PMEPA1: variants seen among roughly 807,000 people sequenced by gnomAD.
PMEPA1 encodes the protein prostate transmembrane protein, androgen induced 1.
In PMEPA1, 11 loss-of-function variants were observed where a neutral mutation model predicts 23.0. That is an observed-to-expected ratio of 0.48 (90% confidence interval 0.30 to 0.79). The LOEUF is 0.79. Among genes scored for constraint, PMEPA1 ranks in the 30% least tolerant of loss-of-function variants. The pLI is 0.06. For synonymous variants in PMEPA1, 204 were observed against 166.4 expected (o/e 1.23, Z -1.74); for missense variants, 377 against 390.9 (o/e 0.96, Z 0.30).
chr20:57,710,293 C>T, upstream of PMEPA1: 1 of 721,756 alleles, frequency 1.4e-6, no homozygotes, highest in Non-Finnish European at 2.1e-6. Flanking sequence ...GAACTCGGTG[C>T]CAGCCGCACC....
chr20:57,686,042 C>G (rs2071796793), intron 1 of PMEPA1, among the ~76,000 whole-genome samples: 1 of 152,254 alleles, frequency 6.6e-6, no homozygotes, highest in African/African-American at 2.4e-5. Flanking sequence ...GGGTGACACC[C>G]AAACACCCTC....
In PMEPA1 at chr20:57,682,877, C is replaced by G. The variant is rs1235087339; in HGVS notation, c.110-23180G>C. ...CGAATTATGAAAATAGATGTTGTCT[C>G]CCCACCACATCTGTTTTGCCTGACA... is the stretch of plus-strand genomic sequence containing the variant. On this transcript the variant is annotated intron_variant, in intron 1 of 3. Coordinates refer to ENST00000341744, the MANE Select transcript of PMEPA1 (RefSeq NM_020182.5). The surrounding 1 kb of genome is among the most constrained non-coding windows in gnomAD (Gnocchi z 4.4). Among the ~76,000 whole-genome samples the G allele has an allele frequency of 6.6e-6, 1 of 152,242 alleles. No homozygotes were observed. The highest frequency in any genetic ancestry group is 1.5e-5 in the Non-Finnish European group (1 of 68,050).
At chr20:57,684,211 C>T (rs57643585) in intron 1 of PMEPA1, among the ~76,000 whole-genome samples, 3,609 of 150,460 alleles carry the variant, frequency 0.024, 139 homozygotes, top group African/African-American at 0.084. Flanking sequence ...GGAGGGGAGG[C>T]GGGTGGAAAT....
At chr20:57,710,029 G>T (rs866366472), upstream of PMEPA1, 47 of 996,830 alleles carry the variant, frequency 4.7e-5, no homozygotes, top group African/African-American at 1.2e-4. Context: ...AGCGCTAGAC[G>T]GGGCTGCCGG....
intron 1 of PMEPA1, among the ~76,000 whole-genome samples, chr20:57,671,378 C>T (rs1386941566): frequency 6.6e-6 from 1 of 152,034 alleles, no homozygotes; most frequent in East Asian, 1.9e-4. Flanking sequence ...TGAGTGAGTC[C>T]GTGGTGGTGT....
At chr20:57,676,615 G>A (rs1021968327) in intron 1 of PMEPA1, among the ~76,000 whole-genome samples, 2 of 152,258 alleles carry the variant, frequency 1.3e-5, no homozygotes, top group Non-Finnish European at 2.9e-5. Context: ...GACAGACCTA[G>A]ATGGGAGCTC....
intron 1 of PMEPA1, 117 bp from the exon 2 acceptor site, chr20:57,659,814 C>G: frequency 1.1e-6 from 1 of 921,464 alleles, no homozygotes; most frequent in Non-Finnish European, 1.6e-6. Flanking sequence ...AACCCAGACT[C>G]AGGAAAGCCC....
chr20:57,693,288 G>C (rs2071906379), intron 1 of PMEPA1, among the ~76,000 whole-genome samples: 1 of 152,226 alleles, frequency 6.6e-6, no homozygotes, highest in Non-Finnish European at 1.5e-5. Flanking sequence ...AGAGTGCCAA[G>C]TGCCCTCCCT....
chr20:57,663,380 C>T (rs1424760475), intron 1 of PMEPA1, among the ~76,000 whole-genome samples: 2 of 152,074 alleles, frequency 1.3e-5, no homozygotes, highest in Admixed American at 6.6e-5. Flanking sequence ...TCTTGGGGGC[C>T]CTCTCTGAGT....
chr20:57,684,935 A>T (rs2071781400), intron 1 of PMEPA1, among the ~76,000 whole-genome samples: 1 of 152,154 alleles, frequency 6.6e-6, no homozygotes. Context: ...GATGGTATAA[A>T]ATTAGCACAG....
In PMEPA1 at chr20:57,683,562, T is replaced by TGTGTGTGTGTGTGC. The variant is rs2071755417; in HGVS notation, c.110-23866_110-23865insGCACACACACACAC. Among the ~76,000 whole-genome samples, 1 of 131,122 alleles carries TGTGTGTGTGTGTGC rather than the reference T, an allele frequency of 7.6e-6. No individual in the cohort carries two copies. The highest frequency in any genetic ancestry group is 7.2e-5 in the Admixed American group (1 of 13,876). 86.0% of individuals were successfully genotyped at this position (131,122 alleles called of 152,430 possible). A position where few individuals can be genotyped will look rare whatever the true frequency, so the allele number is the denominator to read the frequency against. ...GTGTTCTGGCCTGTGTGCGTGTGTG[T>TGTGTGTGTGTGTGC]GTGTGTGTGTGTGTGTGTGTGTTTC... On this transcript the variant is annotated intron_variant, in intron 1 of 3. Coordinates refer to ENST00000341744, the MANE Select transcript of PMEPA1 (RefSeq NM_020182.5). This position sits in a 1 kb window ranked among gnomAD's most constrained non-coding sequence, Gnocchi z 4.3.
Position 57,707,889 on chromosome 20 carries a change from C to A in PMEPA1, c.109+1585G>T, listed in dbSNP as rs532000149. On this transcript the variant is annotated intron_variant, in intron 1 of 3. Coordinates refer to ENST00000341744, the MANE Select transcript of PMEPA1 (RefSeq NM_020182.5). ...ATTTTAATAACATTCTCGTGCATTTCATTAGCCTCCTGAGTTCACAAAGGG... is the reference window on the plus strand; with the variant it reads ...ATTTTAATAACATTCTCGTGCATTTAATTAGCCTCCTGAGTTCACAAAGGG... 2.6e-5 allele frequency among the ~76,000 whole-genome samples: 4 copies of A among 152,342 alleles called. No homozygotes were observed. The South Asian group carries it at 8.3e-4, about 32-fold the overall frequency.
Position 57,709,916 on chromosome 20 carries a change from T to G in PMEPA1, c.-334A>C, listed in dbSNP as rs1003323589. On this transcript the variant is annotated 5_prime_UTR_variant, in exon 1 of 4. Coordinates refer to ENST00000341744, the MANE Select transcript of PMEPA1 (RefSeq NM_020182.5). ...CGCTAGCTTTCCCCAGCCGAGCGCC[T>G]CCGCCGCCGCCGCCGCCGCCGCCTC... 1.8e-5 allele frequency: 18 copies of G among 1,004,826 alleles called. No homozygotes were observed. The highest frequency in any genetic ancestry group is 1.8e-5 in the African/African-American group (1 of 56,492). 62.2% of individuals were successfully genotyped at this position (1,004,826 alleles called of 1,614,324 possible).
intron 1 of PMEPA1, among the ~76,000 whole-genome samples, chr20:57,708,542 C>T (rs1239143504): frequency 6.6e-6 from 1 of 152,210 alleles, no homozygotes; most frequent in Non-Finnish European, 1.5e-5. Context: ...ACCGTTGGTC[C>T]ACTGATCCCT....
chr20:57,651,969 G>C lies in PMEPA1; in HGVS notation c.*84C>G, dbSNP rs1309142705. On this transcript the variant is annotated 3_prime_UTR_variant, in exon 4 of 4. Transcript: ENST00000341744. ...CACACGATGCGTTGCTGCGCCCCCC[G>C]CCTTCCTCTCACTCCTCTTCTAAGA... The C allele has an allele frequency of 1.0e-4, 123 of 1,203,820 alleles. No homozygotes were observed. Among genetic ancestry groups the C allele is most frequent in the Non-Finnish European group, 1.3e-4 (118 of 890,678 alleles). The allele number at this position is 1,203,820 out of a possible 1,614,324, so 74.6% of individuals were successfully genotyped here. A position where few individuals can be genotyped will look rare whatever the true frequency, so the allele number is the denominator to read the frequency against.
At chr20:57,678,794 T>C (rs1239243858) in intron 1 of PMEPA1, among the ~76,000 whole-genome samples, 1 of 152,168 alleles carries the variant, frequency 6.6e-6, no homozygotes, top group Non-Finnish European at 1.5e-5. Flanking sequence ...ACCTCTGTCT[T>C]AAAGGTGACA....
Position 57,652,247 on chromosome 20 carries a change from G to C in PMEPA1, c.670C>G (p.Arg224Gly). 3 of 1,606,578 alleles carry C rather than the reference G, an allele frequency of 1.9e-6. No homozygotes were observed. In the African/African-American group the frequency reaches 4.0e-5, roughly 21 times the overall value. ...TAGGTGGGCGGCGGCCCCTCCATGC[G>C]CCCGCCGCTGCCGTAGCACGTGGCG... Reference protein sequence around the residue: ...ISATCYGSGGRMEGPPPTYSE... With the variant: ...ISATCYGSGGGMEGPPPTYSE... Residue 224 changes from arginine (R) to glycine (G), a missense_variant, in exon 4 of 4, where the codon CGC (arginine) becomes GGC (glycine). This residue lies in a region of PMEPA1 where 176 missense variants were observed against 173.0 expected (regional missense o/e 1.02). Coordinates refer to ENST00000341744, the MANE Select transcript of PMEPA1 (RefSeq NM_020182.5). The surrounding 1 kb of genome is among the most constrained non-coding windows in gnomAD (Gnocchi z 6.1).
chr20:57,680,899 A>T (rs1366423892), intron 1 of PMEPA1, among the ~76,000 whole-genome samples: 1 of 152,172 alleles, frequency 6.6e-6, no homozygotes, highest in African/African-American at 2.4e-5. Flanking sequence ...GGTGAGGGAA[A>T]GTGGCGGAGA....
At chr20:57,709,204 G>A (rs998782984) in intron 1 of PMEPA1, among the ~76,000 whole-genome samples, 44 of 151,184 alleles carry the variant, frequency 2.9e-4, no homozygotes, top group African/African-American at 9.4e-4. Context: ...CGCGCCGTGC[G>A]CCGCCGCTGA....
Sources: allele counts gnomAD v4.1 joint callset (sites outside exome capture counted in the v4.1 genomes callset), GRCh38; gene constraint gnomAD v4.1.1; regional missense constraint gnomAD v4.1.1; non-coding constraint Gnocchi (gnomAD v3.1); transcripts MANE v1.5; gene names NCBI Gene and HGNC (gene_info 2026-07-23, HGNC 2026-07-21).